Variants in FCHO1 observed in about 807,000 individuals in gnomAD.
FCHO1 encodes FCH and mu domain containing endocytic adaptor 1, also known as F-BAR domain only protein 1.
A neutral mutation model predicts 114.4 loss-of-function variants in FCHO1; 45 were observed. That is an observed-to-expected ratio of 0.39 (90% confidence interval 0.31 to 0.50). FCHO1 has a LOEUF of 0.50. Ranked by LOEUF, FCHO1 falls within the 20% of genes least tolerant of loss-of-function variation. The pLI, the probability that FCHO1 is intolerant of heterozygous loss-of-function variation, is 0.77. For missense variants in FCHO1, 1,042 were observed against 1,209.6 expected (o/e 0.86, Z 2.06); for synonymous variants, 480 against 488.9 (o/e 0.98, Z 0.24).
In FCHO1 at chr19:17,774,408, C is replaced by T. The variant is rs142820853; in HGVS notation, c.850C>T (p.Arg284Trp). 27 of 1,613,850 alleles carry T rather than the reference C, an allele frequency of 1.7e-5. No individual in the cohort carries two copies. Among genetic ancestry groups the T allele is most frequent in the Non-Finnish European group, 2.0e-5 (24 of 1,180,000 alleles). The change falls in exon 13 of 29, where the codon CGG becomes TGG. Residue 284 changes from arginine to tryptophan, a missense_variant. Arg to Trp is a moderately radical substitution (Grantham distance 101). This residue lies in a region of FCHO1 where 450 missense variants were observed against 564.1 expected (regional missense o/e 0.80). Coordinates refer to ENST00000596536, the MANE Select transcript of FCHO1 (RefSeq NM_015122.3). ...AALQEAMKRL[R>W]GAKAFRLPGL... ...TCTATCCTCAGCGATGAAACGTTTGCGGGGAGCCAAGGCCTTTCGCCTTCC... is the reference window on the plus strand; with the variant it reads ...TCTATCCTCAGCGATGAAACGTTTGTGGGGAGCCAAGGCCTTTCGCCTTCC...
At chr19:17,786,961 C>T (rs1319709537) in intron 27 of FCHO1, among the ~76,000 whole-genome samples, 7 of 151,724 alleles carry the variant, frequency 4.6e-5, no homozygotes, top group Admixed American at 3.9e-4. Flanking sequence ...TGGTGGCTCA[C>T]GCCTGTAATC....
intron 7 of FCHO1, 51 bp downstream of exon 7, chr19:17,766,861 A>G (rs1192389083): frequency 1.9e-6 from 3 of 1,584,190 alleles, no homozygotes; most frequent in Admixed American, 3.4e-5. Context: ...GAACACCGGC[A>G]GCTCACAGGA....
intron 4 of FCHO1, among the ~76,000 whole-genome samples, chr19:17,759,974 G>A (rs1463860540): frequency 6.6e-6 from 1 of 151,822 alleles, no homozygotes; most frequent in Non-Finnish European, 1.5e-5. Flanking sequence ...CTCTACATCA[G>A]CATTAAATAT....
intron 22 of FCHO1, 44 bp downstream of exon 22, chr19:17,781,583 A>T (rs2093414757): frequency 1.2e-6 from 2 of 1,602,472 alleles, no homozygotes. Flanking sequence ...CCTCAGTGTC[A>T]CCTTCTCTGG....
chr19:17,761,172 A>G (rs1302620666), intron 4 of FCHO1, among the ~76,000 whole-genome samples: 4 of 152,152 alleles, frequency 2.6e-5, no homozygotes, highest in Admixed American at 6.5e-5. Flanking sequence ...ACGAACTCAA[A>G]TGCCCTTTCT....
At chr19:17,762,911 C>A in intron 5 of FCHO1, 58 bp downstream of exon 5, 1 of 1,169,722 alleles carries the variant, frequency 8.5e-7, no homozygotes, top group Non-Finnish European at 1.3e-6. Context: ...TAGTCACGCC[C>A]ACCTAATGGC....
Position 17,772,383 on chromosome 19 carries a change from G to A in FCHO1, c.595-74G>A, listed in dbSNP as rs1025916506. On this transcript the variant is annotated intron_variant, in intron 9 of 28. Transcript: ENST00000596536. The stretch of plus-strand genomic sequence containing the variant: ...CCAAGGGCTTAGGGTATTCTGATTG[G>A]TCAGGCTGAGTCATATGGCCACTTC... The A allele has an allele frequency of 6.3e-6, 7 of 1,109,180 alleles. No homozygotes were observed. The Admixed American group carries it at 1.0e-4, about 16-fold the overall frequency. 68.7% of individuals were successfully genotyped at this position (1,109,180 alleles called of 1,614,324 possible). A position where few individuals can be genotyped will look rare whatever the true frequency, so the allele number is the denominator to read the frequency against.
chr19:17,761,699 GC>G (rs1890646336), intron 4 of FCHO1, among the ~76,000 whole-genome samples: 1 of 149,460 alleles, frequency 6.7e-6, no homozygotes, highest in Non-Finnish European at 1.5e-5. Flanking sequence ...TTCCTCTGTT[GC>G]CCAGAGCTGG....
chr19:17,767,872 A>G (rs2089972391), intron 7 of FCHO1, among the ~76,000 whole-genome samples: 1 of 152,206 alleles, frequency 6.6e-6, no homozygotes, highest in South Asian at 2.1e-4. Context: ...ATTGGAAGTT[A>G]CAGATATTCA....
chr19:17,767,566 A>C (rs1210815602), intron 7 of FCHO1, among the ~76,000 whole-genome samples: 1 of 132,298 alleles, frequency 7.6e-6, no homozygotes, highest in Non-Finnish European at 1.6e-5. Flanking sequence ...GACTGTCTAA[A>C]AAAAAAAAAA....
Position 17,784,111 on chromosome 19 carries a change from C to T in FCHO1, c.2102C>T (p.Ser701Phe). The T allele has an allele frequency of 6.2e-7, 1 of 1,614,036 alleles. No homozygotes were observed. Among genetic ancestry groups the T allele is most frequent in the Non-Finnish European group, 8.5e-7 (1 of 1,179,982 alleles). The change falls in exon 25 of 29, where the codon TCC becomes TTC. Residue 701 changes from serine to phenylalanine, a missense_variant. This residue lies in a region of FCHO1 where 455 missense variants were observed against 455.4 expected (regional missense o/e 1.00). Transcript: ENST00000596536. This position sits in a 1 kb window ranked among gnomAD's most constrained non-coding sequence, Gnocchi z 5.3. Reference protein sequence around the residue: ...PNADLLFSDPSQSDPETKDFW... With the variant: ...PNADLLFSDPFQSDPETKDFW... ...AGTCCGGGTCTCTGCAGTGACCCCT[C>T]CCAGAGTGACCCTGAGACCAAAGAC...
chr19:17,783,110 C>G lies in FCHO1; in HGVS notation c.2031C>G (p.Ser677Arg). 3 of 1,614,204 alleles carry G rather than the reference C, an allele frequency of 1.9e-6. No individual in the cohort carries two copies. The highest frequency in any genetic ancestry group is 2.5e-6 in the Non-Finnish European group (3 of 1,180,048). ...GGACCCCACCACCACCTGTCCTCAGCTTCCGGCTTGTACACACAACCGCTA... is the reference window on the plus strand; with the variant it reads ...GGACCCCACCACCACCTGTCCTCAGGTTCCGGCTTGTACACACAACCGCTA... ...FSGTPPPPVLSFRLVHTTAIE... is the reference protein window; with the variant it reads ...FSGTPPPPVLRFRLVHTTAIE... The change falls in exon 24 of 29, where the codon AGC becomes AGG. Residue 677 changes from serine to arginine, a missense_variant. This residue lies in a region of FCHO1 where 455 missense variants were observed against 455.4 expected (regional missense o/e 1.00). Transcript: ENST00000596536.
rs577005748 is a variant in FCHO1 at position 17,760,421 on chromosome 19, C to G, written c.28-2341C>G. ...GCCCTTCCCAGGTGACAGAATCTGG[C>G]CGGCGTTAAGATATAGTTGTTGCCT... is the stretch of plus-strand genomic sequence containing the variant. On this transcript the variant is annotated intron_variant, in intron 4 of 28. Coordinates refer to ENST00000596536, the MANE Select transcript of FCHO1 (RefSeq NM_015122.3). Among the ~76,000 whole-genome samples, 3 of 152,168 alleles carry G rather than the reference C, an allele frequency of 2.0e-5. No individual in the cohort carries two copies. In the South Asian group the frequency reaches 6.2e-4, roughly 32 times the overall value.
upstream of FCHO1, among the ~76,000 whole-genome samples, chr19:17,748,856 C>T (rs192012752): frequency 2.6e-5 from 4 of 152,272 alleles, no homozygotes; most frequent in African/African-American, 9.6e-5. Context: ...CACATTTTGT[C>T]CAATGGTGAT....
intron 13 of FCHO1, chr19:17,774,705 C>G (rs1370149294): frequency 8.5e-6 from 5 of 591,396 alleles, no homozygotes; most frequent in African/African-American, 5.6e-5. Context: ...TAGGTTAGGC[C>G]AGGAATTGCC....
At chr19:17,782,189 T>C (rs577905622) in intron 23 of FCHO1, among the ~76,000 whole-genome samples, 1 of 151,954 alleles carries the variant, frequency 6.6e-6, no homozygotes, top group South Asian at 2.1e-4. Flanking sequence ...TATTGTGCTT[T>C]TTGTTTGTTT....
At chr19:17,779,092 G>A (rs570555721) in intron 20 of FCHO1, among the ~76,000 whole-genome samples, 18 of 152,312 alleles carry the variant, frequency 1.2e-4, no homozygotes, top group African/African-American at 4.1e-4. Flanking sequence ...CCTGAGGAAG[G>A]GACATCTGAG....
intron 21 of FCHO1, 27 bp from the exon 22 acceptor site, chr19:17,781,425 A>G: frequency 6.2e-7 from 1 of 1,613,642 alleles, no homozygotes; most frequent in Non-Finnish European, 8.5e-7. Flanking sequence ...GGGCACTCAC[A>G]GCCAAGATTG....
intron 20 of FCHO1, among the ~76,000 whole-genome samples, chr19:17,779,236 T>C (rs1307618546): frequency 1.3e-5 from 2 of 152,178 alleles, no homozygotes; most frequent in Non-Finnish European, 1.5e-5. Context: ...CAAGGAGGTC[T>C]GCCTGCTGGA....
Sources: allele counts gnomAD v4.1 joint callset (sites outside exome capture counted in the v4.1 genomes callset), GRCh38; gene constraint gnomAD v4.1.1; regional missense constraint gnomAD v4.1.1; non-coding constraint Gnocchi (gnomAD v3.1); transcripts MANE v1.5; gene names NCBI Gene and HGNC (gene_info 2026-07-23, HGNC 2026-07-21).